The following RSRC1 variants were observed in gnomAD, a reference collection of about 807,000 sequenced individuals.
RSRC1 encodes the protein arginine and serine rich coiled-coil 1, also known as serine/Arginine-related protein 53.
In RSRC1, 39 loss-of-function variants were observed where a neutral mutation model predicts 49.1. The ratio of observed to expected loss-of-function variants is 0.79; its 90% CI spans 0.61 to 1.04. The LOEUF is 1.04. RSRC1 is among the 50% of genes least tolerant of loss of function. The pLI is 0.00. For missense variants in RSRC1, 388 were observed against 402.4 expected (o/e 0.96, Z 0.31); for synonymous variants, 143 against 130.8 (o/e 1.09, Z -0.63).
chr3:158,491,056 T>C (rs1051947130), intron 7 of RSRC1, among the ~76,000 whole-genome samples: 1 of 152,228 alleles, frequency 6.6e-6, no homozygotes, highest in Non-Finnish European at 1.5e-5. Context: ...ATAAAACTTT[T>C]GCTTTTCAAT....
At chr3:158,435,604 A>C (rs1578474685) in intron 6 of RSRC1, among the ~76,000 whole-genome samples, 1 of 151,580 alleles carries the variant, frequency 6.6e-6, no homozygotes, top group South Asian at 2.1e-4. Context: ...TGCTATAAAG[A>C]TAAAGATATA....
intron 6 of RSRC1, among the ~76,000 whole-genome samples, chr3:158,395,520 A>G (rs1399051679): frequency 6.6e-6 from 1 of 152,154 alleles, no homozygotes; most frequent in African/African-American, 2.4e-5. Context: ...GGAGAAGGAC[A>G]TGAACAGGCA....
At chr3:158,425,655 G>A (rs908229332) in intron 6 of RSRC1, among the ~76,000 whole-genome samples, 8 of 151,896 alleles carry the variant, frequency 5.3e-5, no homozygotes, top group African/African-American at 2.4e-5. Flanking sequence ...TTTCTGTCTC[G>A]TTGATCTGTC....
At chr3:158,339,216 C>T (rs547343732) in intron 5 of RSRC1, among the ~76,000 whole-genome samples, 3 of 147,402 alleles carry the variant, frequency 2.0e-5, no homozygotes, top group South Asian at 4.3e-4. Flanking sequence ...GGCGTGAACC[C>T]GGGAAGCGGA....
chr3:158,280,589 A>G (rs1314874391), intron 4 of RSRC1, among the ~76,000 whole-genome samples: 1 of 142,308 alleles, frequency 7.0e-6, no homozygotes, highest in Non-Finnish European at 1.5e-5. Flanking sequence ...CATGATGGCT[A>G]TGGTGAAAAG....
intron 6 of RSRC1, among the ~76,000 whole-genome samples, chr3:158,359,596 C>T (rs920654311): frequency 5.3e-5 from 8 of 152,126 alleles, no homozygotes; most frequent in Admixed American, 1.3e-4. Flanking sequence ...ACCGGGAACA[C>T]GGTGGCACCC....
chr3:158,161,346 A>T (rs1386891622), intron 3 of RSRC1, among the ~76,000 whole-genome samples: 4 of 152,168 alleles, frequency 2.6e-5, no homozygotes, highest in Non-Finnish European at 1.5e-5. Context: ...ACAAAAGGAA[A>T]ACAAGCCCAA....
In RSRC1 at chr3:158,152,241, T is replaced by C. The variant is rs144280133; in HGVS notation, c.320+28250T>C. ...AGTTTTAGGGAATCATAATATTAAA[T>C]AGTGAGCTCCTTGAGGACAGTGTCT... On this transcript the variant is annotated intron_variant, in intron 3 of 9. Transcript: ENST00000611884. Among the ~76,000 whole-genome samples, 5 of 152,252 alleles carry C rather than the reference T, an allele frequency of 3.3e-5. No individual in the cohort carries two copies. In the East Asian group the frequency reaches 7.7e-4, roughly 24 times the overall value.
At chr3:158,144,365 G>A (rs11922188) in intron 3 of RSRC1, among the ~76,000 whole-genome samples, 97,569 of 151,176 alleles carry the variant, frequency 0.65, 32,366 homozygotes, top group African/African-American at 0.79. Context: ...ATTCCCACCT[G>A]TGAGTGAGAA....
chr3:158,112,864 C>T (rs1427246002), intron 1 of RSRC1, among the ~76,000 whole-genome samples: 2 of 152,120 alleles, frequency 1.3e-5, no homozygotes, highest in Non-Finnish European at 2.9e-5. Flanking sequence ...TCTCAATATT[C>T]AGCTCCCACT....
intron 7 of RSRC1, among the ~76,000 whole-genome samples, chr3:158,475,369 CAAGT>C (rs1421639807): frequency 1.3e-5 from 2 of 152,124 alleles, no homozygotes; most frequent in Non-Finnish European, 2.9e-5. Flanking sequence ...AATAAACAAA[CAAGT>C]AAATGCATAC....
intron 3 of RSRC1, among the ~76,000 whole-genome samples, chr3:158,134,452 G>C (rs1000603013): frequency 1.3e-5 from 2 of 151,946 alleles, no homozygotes; most frequent in African/African-American, 4.8e-5. Context: ...ACTATCAGTT[G>C]GTTTTGACTT....
chr3:158,162,751 T>C (rs1182368277), intron 3 of RSRC1, among the ~76,000 whole-genome samples: 1 of 152,188 alleles, frequency 6.6e-6, no homozygotes, highest in Non-Finnish European at 1.5e-5. Context: ...AGTCAGGTAA[T>C]TATAGAAAGC....
rs992237718 is a variant in RSRC1, at chr3:158,374,216, T to G, written c.583+19308T>G. On this transcript the variant is annotated intron_variant, in intron 6 of 9. Coordinates refer to ENST00000611884, the MANE Select transcript of RSRC1 (RefSeq NM_001271838.2). Reference sequence around the variant, plus strand: ...GGGACTTTATTGCCTGTACCCACAATTGCAGCTCATTTCATTTGCTCCTAT... The same window carrying G: ...GGGACTTTATTGCCTGTACCCACAAGTGCAGCTCATTTCATTTGCTCCTAT... 7.9e-5 allele frequency among the ~76,000 whole-genome samples: 12 copies of G among 152,258 alleles called. No individual in the cohort carries two copies. In the South Asian group the frequency reaches 2.5e-3, roughly 32 times the overall value.
chr3:158,138,446 G>C (rs1209223568), intron 3 of RSRC1, among the ~76,000 whole-genome samples: 1 of 152,222 alleles, frequency 6.6e-6, no homozygotes, highest in Non-Finnish European at 1.5e-5. Context: ...GTGACGGAAA[G>C]ATTGAGAGAA....
At position 158,429,866 on chromosome 3, in the gene RSRC1, G is replaced by A. The variant is rs140477247; in HGVS notation, c.584-31069G>A. On this transcript the variant is annotated intron_variant, in intron 6 of 9. Coordinates refer to ENST00000611884, the MANE Select transcript of RSRC1 (RefSeq NM_001271838.2). ...ATCGAGGAGTGAAATGGTGGTTACC[G>A]GGTTCTGTGGGGAGTGGGAAATAGG... is the stretch of plus-strand genomic sequence containing the variant. Among the ~76,000 whole-genome samples, 19 of 151,740 alleles carry A rather than the reference G, an allele frequency of 1.3e-4. No individual in the cohort carries two copies. In the East Asian group the frequency reaches 2.5e-3, roughly 20 times the overall value.
At chr3:158,402,136 T>C (rs1733924291) in intron 6 of RSRC1, among the ~76,000 whole-genome samples, 1 of 151,950 alleles carries the variant, frequency 6.6e-6, no homozygotes, top group Non-Finnish European at 1.5e-5. Context: ...CTACCTTGAG[T>C]AATTATAGCT....
chr3:158,273,360 CA>C (rs1725628144), intron 4 of RSRC1, among the ~76,000 whole-genome samples: 1 of 152,078 alleles, frequency 6.6e-6, no homozygotes, highest in Admixed American at 6.5e-5. Context: ...TATACACACA[CA>C]GATTCATCTT....
intron 6 of RSRC1, among the ~76,000 whole-genome samples, chr3:158,386,624 T>TG (rs1389453450): frequency 1.3e-5 from 2 of 152,092 alleles, no homozygotes; most frequent in Middle Eastern, 3.4e-3. Context: ...TAATTTGTAT[T>TG]GGGGGGAAAA....
Sources: gnomAD v4.1 joint callset for allele counts (sites outside exome capture counted in the v4.1 genomes callset) on GRCh38, gnomAD v4.1.1 for gene constraint, MANE v1.5 for transcripts, NCBI Gene and HGNC (gene_info 2026-07-23, HGNC 2026-07-21) for gene names.